TAB2: variants seen among roughly 807,000 people sequenced by gnomAD.
TAB2 encodes the protein TGF-beta-activated kinase 1 and MAP3K7-binding protein 2.
In TAB2, 3 loss-of-function variants were observed where a neutral mutation model predicts 65.0. The observed-to-expected ratio is 0.05, with a 90% CI of 0.02 to 0.12. The LOEUF is 0.12. TAB2 is among the 10% of genes least tolerant of loss of function. TAB2 has a pLI of 1.00. For synonymous variants in TAB2, 298 were observed against 285.1 expected, an observed-to-expected ratio of 1.05 and a Z score of -0.46; for missense variants, 623 against 840.3, an observed-to-expected ratio of 0.74 and a Z score of 3.20.
chr6:149,251,854 C>T (rs1482729467), intron 1 of TAB2, among the ~76,000 whole-genome samples: 2 of 152,100 alleles, frequency 1.3e-5, no homozygotes, highest in East Asian at 3.8e-4. Context: ...CATTGTACTA[C>T]CTTACTAATT....
chr6:149,300,910 C>A (rs1198171795), intron 1 of TAB2, among the ~76,000 whole-genome samples: 3 of 152,202 alleles, frequency 2.0e-5, no homozygotes, highest in Non-Finnish European at 4.4e-5. Flanking sequence ...GCTACTCAAG[C>A]GTATTGGATT....
chr6:149,248,428 A>AAAGG lies in TAB2; in HGVS notation c.-121+29672_-121+29675dup, dbSNP rs377016044. ...GACAGAGAGGGAAAGAAAAAGAAAG[A>AAAGG]AAGGAAGGAAGGAAGGAAGGAAGAA... On this transcript the variant is annotated intron_variant, in intron 1 of 1. Transcript: ENST00000606202. 4.3e-3 allele frequency among the ~76,000 whole-genome samples: 504 copies of AAAGG among 117,316 alleles called. 5 individuals are homozygous for AAAGG. Among genetic ancestry groups the AAAGG allele is most frequent in the Middle Eastern group, 0.013 (3 of 240 alleles). The allele number at this position is 117,316 out of a possible 152,430, so 77.0% of individuals were successfully genotyped here. A position where few individuals can be genotyped will look rare whatever the true frequency, so the allele number is the denominator to read the frequency against.
At chr6:149,332,390 G>C (rs369620892) in intron 1 of TAB2, among the ~76,000 whole-genome samples, 18 of 152,106 alleles carry the variant, frequency 1.2e-4, no homozygotes, top group Non-Finnish European at 2.1e-4. Context: ...TTAGCAAAAA[G>C]CCAGACTCTT....
intron 1 of TAB2, among the ~76,000 whole-genome samples, chr6:149,276,740 G>A (rs1202071392): frequency 6.6e-6 from 1 of 152,268 alleles, no homozygotes; most frequent in East Asian, 1.9e-4. Flanking sequence ...AAACCCCAAT[G>A]GAGGCGATCT....
At chr6:149,261,353 G>A (rs372803020) in intron 1 of TAB2, among the ~76,000 whole-genome samples, 198 of 152,268 alleles carry the variant, frequency 1.3e-3, no homozygotes, top group African/African-American at 4.7e-3. Flanking sequence ...AGAGTTTAAA[G>A]GAGATGCTAT....
intron 6 of TAB2, 102 bp from the exon 7 acceptor site, chr6:149,409,475 A>AGCTGCATCAG: frequency 9.5e-7 from 1 of 1,053,478 alleles, no homozygotes; most frequent in Non-Finnish European, 1.4e-6. Flanking sequence ...TTGGGGAGCA[A>AGCTGCATCAG]GCTGCATCAG....
chr6:149,393,322 A>G (rs1018909871), intron 3 of TAB2, among the ~76,000 whole-genome samples: 1 of 152,234 alleles, frequency 6.6e-6, no homozygotes, highest in Admixed American at 6.5e-5. Flanking sequence ...GCAATATTTT[A>G]CTTTAGAGCT....
At chr6:149,406,801 C>T (rs1782679639) in intron 6 of TAB2, among the ~76,000 whole-genome samples, 1 of 152,174 alleles carries the variant, frequency 6.6e-6, no homozygotes, top group Non-Finnish European at 1.5e-5. Context: ...TCACCACAAC[C>T]TCTGCCTCCC....
At chr6:149,358,447 C>T (rs1780740218) in intron 1 of TAB2, among the ~76,000 whole-genome samples, 1 of 152,060 alleles carries the variant, frequency 6.6e-6, no homozygotes, top group South Asian at 2.1e-4. Context: ...ATTAGGGATG[C>T]TCAACTTGTA....
At chr6:149,309,019 TA>T (rs35438102) in intron 1 of TAB2, among the ~76,000 whole-genome samples, 78,627 of 151,544 alleles carry the variant, frequency 0.52, 20,981 homozygotes, top group African/African-American at 0.65. Context: ...GGATAGATAA[TA>T]AAAAAAAATA....
chr6:149,356,692 T>G (rs1481103138), intron 1 of TAB2, among the ~76,000 whole-genome samples: 1 of 152,174 alleles, frequency 6.6e-6, no homozygotes, highest in Non-Finnish European at 1.5e-5. Flanking sequence ...GGATGTCACA[T>G]ACGAATTTTG....
chr6:149,295,079 G>T (rs111622178), intron 1 of TAB2, among the ~76,000 whole-genome samples: 1 of 152,162 alleles, frequency 6.6e-6, no homozygotes, highest in African/African-American at 2.4e-5. Flanking sequence ...CCTCCCATAC[G>T]CAGTTGAATA....
chr6:149,346,597 G>GCA (rs1780313346), intron 1 of TAB2: 1 of 152,044 alleles, frequency 6.6e-6, no homozygotes, highest in Non-Finnish European at 1.5e-5. Context: ...GGGATTACAG[G>GCA]TGCCTGCCAC....
At chr6:149,359,935 T>C (rs1780788658) in intron 1 of TAB2, among the ~76,000 whole-genome samples, 1 of 152,230 alleles carries the variant, frequency 6.6e-6, no homozygotes, top group Admixed American at 6.5e-5. Flanking sequence ...TTCCTAAATG[T>C]GCTTTTGGTA....
chr6:149,222,880 A>T (rs1341589364), intron 1 of TAB2, among the ~76,000 whole-genome samples: 1 of 152,138 alleles, frequency 6.6e-6, no homozygotes. Context: ...TTCTAGAATC[A>T]CTTTTTCCTA....
chr6:149,331,370 A>G (rs76789059), intron 1 of TAB2, among the ~76,000 whole-genome samples: 1,682 of 152,234 alleles, frequency 0.011, 29 homozygotes, highest in African/African-American at 0.039. Flanking sequence ...CATGTCTAAT[A>G]TGTGGCAGTA....
chr6:149,219,762 T>C lies in TAB2; in HGVS notation c.-121+986T>C, dbSNP rs185227673. 3.7e-4 allele frequency among the ~76,000 whole-genome samples: 56 copies of C among 152,344 alleles called. No homozygotes were observed. In the East Asian group the frequency reaches 0.01, roughly 28 times the overall value. The stretch of plus-strand genomic sequence containing the variant: ...TTCTCCATATCCTGACTGGCCAGAT[T>C]CTTTCATTACTTTTGATAGTTCCCA... On this transcript the variant is annotated intron_variant, in intron 1 of 1. Transcript: ENST00000606202.
At position 149,378,787 on chromosome 6, in the gene TAB2, C is replaced by G; in HGVS notation, c.872C>G (p.Thr291Ser). ...GTCTACATGCCAATCAGTTCACCTA[C>G]TACTTCACAACCACCAACCATTCAT... Reference protein sequence around the residue: ...SHVYMPISSPTTSQPPTIHSS... With the variant: ...SHVYMPISSPSTSQPPTIHSS... The change falls in exon 3 of 7, where the codon ACT (threonine) becomes AGT (serine). Residue 291 changes from threonine (T) to serine (S), a missense_variant. By Grantham distance (58) the Thr-to-Ser change is moderately conservative. This residue lies in a region of TAB2 where 550 missense variants were observed against 665.7 expected (regional missense o/e 0.83). Coordinates refer to ENST00000637181, the MANE Select transcript of TAB2 (RefSeq NM_001292034.3). The G allele has an allele frequency of 6.2e-7, 1 of 1,614,170 alleles. No homozygotes were observed.
chr6:149,341,005 G>A (rs1780103814), intron 1 of TAB2, among the ~76,000 whole-genome samples: 1 of 151,980 alleles, frequency 6.6e-6, no homozygotes, highest in African/African-American at 2.4e-5. Context: ...GAAAATTATT[G>A]CCCATATATA....
Sources: gnomAD v4.1 joint callset for allele counts (sites outside exome capture counted in the v4.1 genomes callset) on GRCh38, gnomAD v4.1.1 for gene constraint, gnomAD v4.1.1 regional missense constraint, MANE v1.5 for transcripts, NCBI Gene and HGNC (gene_info 2026-07-23, HGNC 2026-07-21) for gene names.